Variants in TSG101 observed in about 807,000 individuals in gnomAD.
The protein encoded by TSG101 is tumor susceptibility gene 101 protein.
TSG101 carries 19 observed loss-of-function variants against 48.5 expected under a neutral mutation model. That is an observed-to-expected ratio of 0.39 (90% confidence interval 0.27 to 0.58). The LOEUF is 0.58. TSG101 is among the 20% of genes least tolerant of loss of function. The pLI is 0.55. For missense variants in TSG101, 365 were observed against 484.4 expected (o/e 0.75, Z 2.31); for synonymous variants, 174 against 169.4 (o/e 1.03, Z -0.21).
At chr11:18,507,002 CA>C in intron 5 of TSG101, 79 bp from the exon 6 acceptor site, 1 of 1,168,716 alleles carries the variant, frequency 8.6e-7, no homozygotes, top group Admixed American at 2.0e-5. Context: ...ATATACATCA[CA>C]CTGTCAATAC....
chr11:18,526,050 T>C (rs924496856), intron 1 of TSG101, among the ~76,000 whole-genome samples: 3 of 151,658 alleles, frequency 2.0e-5, no homozygotes, highest in African/African-American at 7.3e-5. Context: ...GCCATTCCAC[T>C]CTGGTGTGAG....
intron 7 of TSG101, among the ~76,000 whole-genome samples, chr11:18,500,015 C>A (rs574866227): frequency 1.3e-5 from 2 of 152,148 alleles, no homozygotes; most frequent in African/African-American, 4.8e-5. Flanking sequence ...ACCCACACAC[C>A]GTTCTTAAGT....
intron 1 of TSG101, among the ~76,000 whole-genome samples, chr11:18,526,551 G>A (rs1850377982): frequency 6.6e-6 from 1 of 152,278 alleles, no homozygotes; most frequent in South Asian, 2.1e-4. Context: ...TCCGCTCCAC[G>A]CCTTTGTTGA....
intron 6 of TSG101, 85 bp downstream of exon 6, chr11:18,506,772 A>T (rs1041638303): frequency 9.3e-7 from 1 of 1,071,080 alleles, no homozygotes; most frequent in Non-Finnish European, 1.3e-6. Flanking sequence ...AATTTATTTT[A>T]ATGCCCTAAT....
At chr11:18,496,579 TC>T (rs1229472794) in intron 7 of TSG101, among the ~76,000 whole-genome samples, 2 of 152,072 alleles carry the variant, frequency 1.3e-5, no homozygotes, top group Non-Finnish European at 2.9e-5. Context: ...ACATCTGTAA[TC>T]CGGGAGGCCA....
intron 8 of TSG101, among the ~76,000 whole-genome samples, chr11:18,482,456 C>G (rs536891862): frequency 6.6e-5 from 10 of 152,210 alleles, no homozygotes; most frequent in Non-Finnish European, 1.3e-4. Flanking sequence ...TCACTTTCCA[C>G]AAAGCCCTCA....
chr11:18,525,560 AAAG>A, intron 1 of TSG101: 6 of 444,840 alleles, frequency 1.3e-5, no homozygotes, highest in Non-Finnish European at 1.2e-5. Context: ...AAAAAAAAAA[AAAG>A]AGTCATGGAA....
chr11:18,506,254 G>A (rs183245871), intron 6 of TSG101, among the ~76,000 whole-genome samples: 2 of 151,938 alleles, frequency 1.3e-5, no homozygotes, highest in East Asian at 3.9e-4. Context: ...TAATGACAGT[G>A]ATCTCAATTG....
intron 5 of TSG101, chr11:18,508,678 T>C (rs1489675541): frequency 1.3e-5 from 2 of 152,290 alleles, no homozygotes; most frequent in East Asian, 3.9e-4. Flanking sequence ...GGTTCAAAAA[T>C]TCTTTCTGTT....
chr11:18,499,391 TATATATATA>T (rs1849848462), intron 7 of TSG101, among the ~76,000 whole-genome samples: 2 of 8,206 alleles, frequency 2.4e-4, no homozygotes, highest in African/African-American at 4.1e-4. Flanking sequence ...AATATATATA[TATATATATA>T]TATTTTTTTT....
At chr11:18,480,690 C>G (rs959746088) in intron 9 of TSG101, 55 bp from the exon 10 acceptor site, 2 of 1,521,872 alleles carry the variant, frequency 1.3e-6, no homozygotes, top group Non-Finnish European at 1.8e-6. Context: ...TAGGCCCAGG[C>G]ATAAAATAGA....
chr11:18,486,458 C>T (rs1055981480), intron 7 of TSG101, among the ~76,000 whole-genome samples: 2 of 152,242 alleles, frequency 1.3e-5, no homozygotes, highest in Non-Finnish European at 2.9e-5. Context: ...CAGGGCTAAG[C>T]CCCTTCGGCA....
intron 8 of TSG101, among the ~76,000 whole-genome samples, chr11:18,482,124 C>G (rs1849550304): frequency 6.6e-6 from 1 of 152,206 alleles, no homozygotes; most frequent in South Asian, 2.1e-4. Flanking sequence ...TGTCACCTGT[C>G]AGCGACAAAT....
At chr11:18,509,695 T>C in intron 4 of TSG101, 30 bp from the exon 5 acceptor site, 1 of 1,554,846 alleles carries the variant, frequency 6.4e-7, no homozygotes, top group East Asian at 2.3e-5. Flanking sequence ...TCAAGTCAGC[T>C]ACAGAGTTGC....
chr11:18,503,640 G>A (rs997285657), intron 6 of TSG101, among the ~76,000 whole-genome samples: 2 of 152,000 alleles, frequency 1.3e-5, no homozygotes, highest in Admixed American at 6.6e-5. Flanking sequence ...CCAAACTGCT[G>A]GGATTACAGC....
At chr11:18,486,548 C>A (rs540119464) in intron 7 of TSG101, among the ~76,000 whole-genome samples, 14 of 152,114 alleles carry the variant, frequency 9.2e-5, no homozygotes, top group African/African-American at 3.4e-4. Context: ...CAGAGAAATG[C>A]AAATCAAAAC....
chr11:18,499,165 A>C (rs1486173425), intron 7 of TSG101, among the ~76,000 whole-genome samples: 1 of 144,910 alleles, frequency 6.9e-6, no homozygotes, highest in African/African-American at 2.5e-5. Context: ...GGTGGCAGGA[A>C]AAGTGGAATA....
Position 18,480,531 on chromosome 11 carries a change from C to G in TSG101, c.*15G>C. On this transcript the variant is annotated 3_prime_UTR_variant, in exon 10 of 10. Transcript: ENST00000251968. ...ACTTTAAGAAGAGCTCAACCTCCAG[C>G]TGGTATCAGAGAAGTCAGTAGAGGT... The G allele has an allele frequency of 6.2e-7, 1 of 1,607,538 alleles. No individual in the cohort carries two copies.
intron 6 of TSG101, among the ~76,000 whole-genome samples, chr11:18,504,130 G>A (rs1590280292): frequency 6.6e-6 from 1 of 151,004 alleles, no homozygotes; most frequent in Non-Finnish European, 1.5e-5. Context: ...GAGCCCAGGA[G>A]GTCAAGGCTA....
Sources: gnomAD v4.1 joint callset for allele counts (sites outside exome capture counted in the v4.1 genomes callset) on GRCh38, gnomAD v4.1.1 for gene constraint, MANE v1.5 for transcripts, NCBI Gene and HGNC (gene_info 2026-07-23, HGNC 2026-07-21) for gene names.